Variants in CCDC144A observed in about 807,000 individuals in gnomAD.
The protein encoded by CCDC144A is coiled-coil domain-containing protein 144A.
Under a neutral mutation model 143.8 loss-of-function variants are expected in CCDC144A, and 41 were observed. The observed-to-expected ratio is 0.29, with a 90% CI of 0.22 to 0.37. The LOEUF (loss-of-function observed/expected upper bound fraction) is 0.37. CCDC144A is among the 10% of genes least tolerant of loss of function. The probability of loss-of-function intolerance (pLI) is 1.00; values close to 1 mark genes in which losing one functional copy is unlikely to be tolerated. For synonymous variants in CCDC144A, 242 were observed against 517.9 expected, an observed-to-expected ratio of 0.47 and a Z score of 7.23; for missense variants, 637 against 1,488.8, an observed-to-expected ratio of 0.43 and a Z score of 9.41.
upstream of CCDC144A, among the ~76,000 whole-genome samples, chr17:16,685,630 G>A (rs1436984739): frequency 2.0e-5 from 3 of 152,118 alleles, no homozygotes; most frequent in African/African-American, 4.8e-5. Flanking sequence ...TGATCCACCT[G>A]CCTCGGCCTC....
chr17:16,710,185 A>G (rs1311578743), intron 5 of CCDC144A: 2 of 163,814 alleles, frequency 1.2e-5, no homozygotes, highest in East Asian at 3.7e-4. Context: ...TAAGTTCGGC[A>G]TCAATATGGT....
At chr17:16,697,740 C>T (rs935290363) in intron 2 of CCDC144A, among the ~76,000 whole-genome samples, 1 of 152,058 alleles carries the variant, frequency 6.6e-6, no homozygotes, top group African/African-American at 2.4e-5. Context: ...CTTAAGAGCC[C>T]ATGTTTAACT....
intron 5 of CCDC144A, among the ~76,000 whole-genome samples, chr17:16,711,225 A>C (rs1409955036): frequency 2.0e-5 from 3 of 150,110 alleles, no homozygotes; most frequent in Non-Finnish European, 4.4e-5. Context: ...TTTTCCTGAA[A>C]CCCCACAGTG....
intron 12 of CCDC144A, among the ~76,000 whole-genome samples, chr17:16,739,221 A>G (rs979079084): frequency 3.0e-5 from 4 of 131,726 alleles, no homozygotes. Context: ...AATATTTTCA[A>G]TGGCTTTCCT....
At chr17:16,701,299 C>A (rs912796116) in intron 2 of CCDC144A, among the ~76,000 whole-genome samples, 1 of 152,096 alleles carries the variant, frequency 6.6e-6, no homozygotes, top group Non-Finnish European at 1.5e-5. Context: ...TTATCAGTAC[C>A]CCCCATCGGA....
At chr17:16,690,923 GGAGTTT>G (rs1911027950) in intron 1 of CCDC144A, among the ~76,000 whole-genome samples, 179 bp downstream of exon 1, 2 of 152,004 alleles carry the variant, frequency 1.3e-5, no homozygotes, top group African/African-American at 2.4e-5. Flanking sequence ...CTACTTTACA[GGAGTTT>G]TCTTTAAAAA....
Position 16,727,833 on chromosome 17 carries a change from G to A in CCDC144A, c.2105+93G>A, listed in dbSNP as rs1913505675. 9 of 1,258,308 alleles carry A rather than the reference G, an allele frequency of 7.2e-6. 1 individual carries two copies. Among genetic ancestry groups the A allele is most frequent in the Non-Finnish European group, 9.7e-6 (9 of 924,854 alleles). The allele number at this position is 1,258,308 out of a possible 1,614,324, so 77.9% of individuals were successfully genotyped here. A position where few individuals can be genotyped will look rare whatever the true frequency, so the allele number is the denominator to read the frequency against. On this transcript the variant is annotated intron_variant, in intron 9 of 16. Coordinates refer to ENST00000399273, the MANE Select transcript of CCDC144A (RefSeq NM_001382000.1). ...GACTTACCTTCTGCAGAATAATGGGGGAGAAACCTTTTTGGTCTTGTGGAA... is the reference window on the plus strand; with the variant it reads ...GACTTACCTTCTGCAGAATAATGGGAGAGAAACCTTTTTGGTCTTGTGGAA...
chr17:16,720,426 C>CA (rs994725152), intron 7 of CCDC144A, 91 bp from the exon 8 acceptor site: 67 of 1,373,944 alleles, frequency 4.9e-5, no homozygotes, highest in Middle Eastern at 2.3e-4. Flanking sequence ...TTTGCTCATA[C>CA]AAAAAAAATG....
chr17:16,725,295 T>C (rs1913353279), intron 8 of CCDC144A, among the ~76,000 whole-genome samples: 1 of 152,044 alleles, frequency 6.6e-6, no homozygotes, highest in Non-Finnish European at 1.5e-5. Flanking sequence ...TCAAGCTGTT[T>C]GATTTCCACT....
At chr17:16,707,416 T>A in intron 3 of CCDC144A, 53 bp from the exon 4 acceptor site, 1 of 972,474 alleles carries the variant, frequency 1.0e-6, no homozygotes, top group South Asian at 1.6e-5. Context: ...ATAAAGACTA[T>A]GTCTTTTATC....
At position 16,776,085 on chromosome 17, in the gene CCDC144A, C is replaced by T. The variant is rs1403585090; in HGVS notation, c.*2452C>T. 1.3e-5 allele frequency: 2 copies of T among 152,290 alleles called. No individual in the cohort carries two copies. Among genetic ancestry groups the T allele is most frequent in the African/African-American group, 4.8e-5 (2 of 41,454 alleles). 9.4% of individuals were successfully genotyped at this position (152,290 alleles called of 1,614,324 possible). A position where few individuals can be genotyped will look rare whatever the true frequency, so the allele number is the denominator to read the frequency against. On this transcript the variant is annotated 3_prime_UTR_variant, in exon 17 of 17. Coordinates refer to ENST00000399273, the MANE Select transcript of CCDC144A (RefSeq NM_001382000.1). ...CTATGTGTCGGTTCTTGTACCAGCA[C>T]TATGCTGTTTTGGTTACTGTAGTCT...
chr17:16,769,548 T>C (rs903818853), intron 15 of CCDC144A, among the ~76,000 whole-genome samples: 1 of 152,236 alleles, frequency 6.6e-6, no homozygotes, highest in Non-Finnish European at 1.5e-5. Flanking sequence ...AACCACGTCT[T>C]ATTTGGAGGA....
the CCDC144A span, among the ~76,000 whole-genome samples, chr17:16,671,527 T>C: frequency 6.6e-6 from 1 of 151,986 alleles, no homozygotes; most frequent in Non-Finnish European, 1.5e-5. Flanking sequence ...AAATGTACCA[T>C]TTAATCATTA....
At chr17:16,719,191 A>C (rs1400506770) in intron 6 of CCDC144A, among the ~76,000 whole-genome samples, 4 of 151,886 alleles carry the variant, frequency 2.6e-5, no homozygotes, top group Admixed American at 2.6e-4. Flanking sequence ...AAAGTTCTGA[A>C]GTATCAAAAC....
intron 5 of CCDC144A, chr17:16,710,307 G>T (rs1423476985): frequency 6.6e-6 from 1 of 151,646 alleles, no homozygotes. Flanking sequence ...GTGGGGTCGT[G>T]CCTGTGAATA....
At chr17:16,691,544 G>T (rs1277698828) in intron 1 of CCDC144A, among the ~76,000 whole-genome samples, 1 of 151,894 alleles carries the variant, frequency 6.6e-6, no homozygotes, top group Non-Finnish European at 1.5e-5. Context: ...GGCGGATCAC[G>T]AGGTCAGGTG....
intron 6 of CCDC144A, among the ~76,000 whole-genome samples, chr17:16,717,022 C>T (rs1041712940): frequency 5.9e-5 from 9 of 151,414 alleles, no homozygotes; most frequent in South Asian, 2.1e-4. Flanking sequence ...ACCGTGGTCT[C>T]GATCTCCTGA....
chr17:16,750,657 CCTT>C (rs988253412), intron 12 of CCDC144A, among the ~76,000 whole-genome samples: 5 of 151,912 alleles, frequency 3.3e-5, no homozygotes, highest in African/African-American at 1.2e-4. Context: ...TCCTCTCTCT[CCTT>C]CTCTTTCAGC....
chr17:16,743,061 G>A (rs1017181253), intron 12 of CCDC144A, among the ~76,000 whole-genome samples: 1 of 152,168 alleles, frequency 6.6e-6, no homozygotes, highest in African/African-American at 2.4e-5. Flanking sequence ...TTGCTGTGAA[G>A]AAACCTAATT....
Sources: allele counts gnomAD v4.1 joint callset (sites outside exome capture counted in the v4.1 genomes callset), GRCh38; gene constraint gnomAD v4.1.1; transcripts MANE v1.5; gene names NCBI Gene and HGNC (gene_info 2026-07-23, HGNC 2026-07-21).